Variants in SEMA3A observed in about 807,000 individuals in gnomAD.
The protein encoded by SEMA3A is semaphorin-3A.
SEMA3A carries 29 observed loss-of-function variants against 97.9 expected under a neutral mutation model. The ratio of observed to expected loss-of-function variants is 0.30; its 90% confidence interval spans 0.22 to 0.40. The LOEUF (loss-of-function observed/expected upper bound fraction) is 0.40, where lower values mean the gene tolerates loss of function less well. SEMA3A is among the 10% of genes least tolerant of loss of function. The probability of loss-of-function intolerance (pLI) is 1.00; values close to 1 mark genes in which losing one functional copy is unlikely to be tolerated. For missense variants in SEMA3A, 763 were observed against 951.3 expected (o/e 0.80, Z 2.60); for synonymous variants, 321 against 323.7 (o/e 0.99, Z 0.09).
chr7:84,144,647 G>C (rs551280747), intron 1 of SEMA3A, among the ~76,000 whole-genome samples: 2 of 152,198 alleles, frequency 1.3e-5, no homozygotes, highest in South Asian at 4.1e-4. Flanking sequence ...CCCCCAAACA[G>C]AAAAGCAATT....
chr7:84,177,798 C>T (rs1173704143), intron 1 of SEMA3A, among the ~76,000 whole-genome samples: 1 of 152,172 alleles, frequency 6.6e-6, no homozygotes, highest in South Asian at 2.1e-4. Flanking sequence ...CTCTGGATTC[C>T]ACTCTTCTGA....
intron 5 of SEMA3A, among the ~76,000 whole-genome samples, chr7:84,060,109 A>G (rs1057184989): frequency 4.6e-5 from 7 of 152,166 alleles, no homozygotes; most frequent in African/African-American, 1.7e-4. Flanking sequence ...ATAAAAGGTG[A>G]ATACAGAATG....
At chr7:83,987,519 G>A (rs2116335379) in intron 12 of SEMA3A, among the ~76,000 whole-genome samples, 1 of 152,258 alleles carries the variant, frequency 6.6e-6, no homozygotes, top group African/African-American at 2.4e-5. Context: ...GATGTGAGGA[G>A]GCAGCTGAGG....
chr7:84,086,135 C>A (rs2115822396), intron 4 of SEMA3A, among the ~76,000 whole-genome samples: 1 of 152,142 alleles, frequency 6.6e-6, no homozygotes, highest in Non-Finnish European at 1.5e-5. Flanking sequence ...ATGTCAAAGG[C>A]AGAAAGCCTG....
At position 84,203,526 on chromosome 7, in the gene SEMA3A, ATTTTT is replaced by A. The variant is rs35519031; in HGVS notation, c.-82-8863_-82-8859del. On this transcript the variant is annotated intron_variant, in intron 3 of 3. Coordinates refer to the SEMA3A transcript ENST00000424555. ...TGTATATATATATATATATATATAT[ATTTTT>A]TTTTTTTTTTTTTTTCTGAGATAGA... is the stretch of plus-strand genomic sequence containing the variant. Among the ~76,000 whole-genome samples, 99 of 25,680 alleles carry A rather than the reference ATTTTT, an allele frequency of 3.9e-3. 1 individual carries two copies. The highest frequency in any genetic ancestry group is 0.02 in the South Asian group (7 of 348). The allele number at this position is 25,680 out of a possible 152,430, so 16.8% of individuals were successfully genotyped here.
chr7:84,220,134 T>C (rs926970856), intron 3 of SEMA3A, among the ~76,000 whole-genome samples: 3 of 152,210 alleles, frequency 2.0e-5, no homozygotes, highest in African/African-American at 7.2e-5. Flanking sequence ...AAATATTTTG[T>C]TATTTCAATA....
At chr7:84,051,229 T>G (rs1228658662) in intron 5 of SEMA3A, among the ~76,000 whole-genome samples, 1 of 151,610 alleles carries the variant, frequency 6.6e-6, no homozygotes, top group Non-Finnish European at 1.5e-5. Context: ...TAAAGTAGTT[T>G]TTTCCAATTC....
At chr7:84,011,439 T>C (rs1361276461) in intron 7 of SEMA3A, 142 bp from the exon 8 acceptor site, 1 of 632,442 alleles carries the variant, frequency 1.6e-6, no homozygotes, top group East Asian at 2.7e-5. Context: ...AATGACCAGA[T>C]ATAGGTAACT....
At chr7:84,212,624 G>A (rs1370589746) in intron 3 of SEMA3A, among the ~76,000 whole-genome samples, 1 of 152,146 alleles carries the variant, frequency 6.6e-6, no homozygotes, top group African/African-American at 2.4e-5. Flanking sequence ...GTGCTAGAAA[G>A]TGTTTCCTCT....
chr7:84,472,787 C>A (rs1806185878), intron 1 of SEMA3A, among the ~76,000 whole-genome samples: 1 of 152,032 alleles, frequency 6.6e-6, no homozygotes, highest in Admixed American at 6.6e-5. Context: ...CAAATCGATC[C>A]ATATAATCAT....
chr7:84,301,328 AC>A (rs1230954594), intron 3 of SEMA3A, among the ~76,000 whole-genome samples: 5 of 152,142 alleles, frequency 3.3e-5, no homozygotes, highest in Admixed American at 2.0e-4. Context: ...CAAAACACAC[AC>A]ACACATGCAT....
intron 1 of SEMA3A, among the ~76,000 whole-genome samples, chr7:84,165,037 G>A (rs1797157382): frequency 6.6e-6 from 1 of 151,874 alleles, no homozygotes; most frequent in Admixed American, 6.6e-5. Flanking sequence ...GCGAAACCCC[G>A]TCACTACAAA....
intron 1 of SEMA3A, among the ~76,000 whole-genome samples, chr7:84,416,330 C>T (rs1018018447): frequency 7.9e-5 from 12 of 152,096 alleles, no homozygotes; most frequent in African/African-American, 2.9e-4. Context: ...TAAGAAGTGC[C>T]TTTCACCTTC....
intron 1 of SEMA3A, among the ~76,000 whole-genome samples, chr7:84,394,567 A>C (rs999402943): frequency 6.6e-6 from 1 of 152,174 alleles, no homozygotes; most frequent in African/African-American, 2.4e-5. Flanking sequence ...CTTCTGCAAC[A>C]GTTCTAGCAA....
chr7:84,471,422 C>A (rs906393618), intron 1 of SEMA3A, among the ~76,000 whole-genome samples: 1 of 152,034 alleles, frequency 6.6e-6, no homozygotes, highest in African/African-American at 2.4e-5. Flanking sequence ...ATTTAAGTAT[C>A]TTTTTTCAGT....
intron 6 of SEMA3A, among the ~76,000 whole-genome samples, chr7:84,033,155 A>G (rs573187235): frequency 2.6e-5 from 4 of 152,212 alleles, no homozygotes; most frequent in Non-Finnish European, 5.9e-5. Context: ...CAGTTAATTC[A>G]TAATAACCTC....
chr7:84,357,211 T>C (rs947824669), intron 2 of SEMA3A, among the ~76,000 whole-genome samples: 16 of 151,960 alleles, frequency 1.1e-4, no homozygotes, highest in Non-Finnish European at 2.1e-4. Context: ...ACATGTGCCA[T>C]GTTGGTGTGC....
chr7:84,083,431 A>AT (rs139690621), intron 4 of SEMA3A, among the ~76,000 whole-genome samples: 45,676 of 151,566 alleles, frequency 0.3, 7,499 homozygotes, highest in African/African-American at 0.44. Flanking sequence ...GGCATTCATC[A>AT]TTTTTTTTGT....
chr7:84,036,666 C>T (rs1791951279), intron 6 of SEMA3A, among the ~76,000 whole-genome samples: 1 of 151,988 alleles, frequency 6.6e-6, no homozygotes, highest in African/African-American at 2.4e-5. Flanking sequence ...TAAACAGTAA[C>T]TGAAATGAAT....
Sources: allele counts gnomAD v4.1 joint callset (sites outside exome capture counted in the v4.1 genomes callset), GRCh38; gene constraint gnomAD v4.1.1; transcripts MANE v1.5; gene names NCBI Gene and HGNC (gene_info 2026-07-23, HGNC 2026-07-21).